Variants in DNASE1 observed in about 807,000 individuals in gnomAD.
DNASE1 encodes deoxyribonuclease 1.
Under a neutral mutation model 33.9 loss-of-function variants are expected in DNASE1, and 40 were observed. The ratio of observed to expected loss-of-function variants is 1.18; its 90% CI spans 0.92 to 1.54. The LOEUF (loss-of-function observed/expected upper bound fraction) is 1.54. DNASE1 is among the 40% of genes most tolerant of loss of function. The probability of loss-of-function intolerance (pLI) is 0.00; values close to 1 mark genes in which losing one functional copy is unlikely to be tolerated. For synonymous variants in DNASE1, 216 were observed against 160.0 expected (o/e 1.35, Z -2.64); for missense variants, 518 against 372.6 (o/e 1.39, Z -3.21).
chr16:3,627,936 G>GT (rs2041568364), intron 1 of DNASE1, among the ~76,000 whole-genome samples: 1 of 42,742 alleles, frequency 2.3e-5, no homozygotes, highest in Admixed American at 3.4e-4. Flanking sequence ...TTCTATTTCT[G>GT]CAAAAAAAAA....
intron 1 of DNASE1, among the ~76,000 whole-genome samples, chr16:3,646,903 G>A (rs1376522106): frequency 1.3e-5 from 2 of 152,080 alleles, no homozygotes; most frequent in Non-Finnish European, 2.9e-5. Context: ...CACCTGGATG[G>A]TGGTGGCACT....
At chr16:3,661,159 T>A (rs1020181908), downstream of DNASE1, 1 of 151,980 alleles carries the variant, frequency 6.6e-6, no homozygotes, top group African/African-American at 2.4e-5. Flanking sequence ...GAATAATTCT[T>A]TAAAAATGGT....
upstream of DNASE1, chr16:3,642,818 G>A (rs769293026): frequency 2.6e-5 from 4 of 152,352 alleles, no homozygotes; most frequent in Non-Finnish European, 4.4e-5. Flanking sequence ...CCTTGTGGCC[G>A]TGCTAGTTGG....
intron 1 of DNASE1, among the ~76,000 whole-genome samples, chr16:3,645,656 C>G (rs1179081696): frequency 1.3e-5 from 2 of 152,236 alleles, no homozygotes; most frequent in African/African-American, 2.4e-5. Context: ...AAGGCGAGTG[C>G]TGACATTCCA....
chr16:3,657,706 C>CCAA lies in DNASE1; in HGVS notation c.705-11_705-9dup, dbSNP rs747134761. ...TGAAAGGGGAACCTACTTTCTCTTC[C>CCAA]CAACACCCATCAGGATCGTGGTTGC... On this transcript the variant is annotated splice_polypyrimidine_tract_variant and intron_variant, in intron 7 of 8. Transcript: ENST00000246949. 8.1e-6 allele frequency: 13 copies of CCAA among 1,613,774 alleles called. No individual in the cohort carries two copies. Among genetic ancestry groups the CCAA allele is most frequent in the Non-Finnish European group, 1.0e-5 (12 of 1,179,954 alleles).
exon 10 of DNASE1, chr16:3,663,330 T>G: frequency 6.5e-7 from 1 of 1,539,244 alleles, no homozygotes; most frequent in Admixed American, 1.9e-5. Context: ...CCAGGTCAAC[T>G]GACGAAAACC....
intron 1 of DNASE1, among the ~76,000 whole-genome samples, chr16:3,636,515 T>C (rs1195982016): frequency 6.6e-6 from 1 of 152,198 alleles, no homozygotes; most frequent in African/African-American, 2.4e-5. Flanking sequence ...CCGGACTTGA[T>C]GTACTTGTTA....
intron 1 of DNASE1, among the ~76,000 whole-genome samples, chr16:3,628,987 C>A (rs1596577619): frequency 2.0e-5 from 3 of 149,432 alleles, no homozygotes; most frequent in Non-Finnish European, 4.5e-5. Context: ...GCCTGGCCAA[C>A]ATAGTGAAAC....
intron 1 of DNASE1, among the ~76,000 whole-genome samples, chr16:3,613,168 T>G (rs929371018): frequency 2.6e-5 from 4 of 152,122 alleles, no homozygotes; most frequent in African/African-American, 9.7e-5. Context: ...GGCAATCACT[T>G]ATCGGCTTTC....
At chr16:3,658,114 CT>C (rs773455014), downstream of DNASE1, 8 of 1,613,482 alleles carry the variant, frequency 5.0e-6, no homozygotes, top group African/African-American at 1.1e-4. Flanking sequence ...GTCAGTCCTT[CT>C]GGCCCCCTGG....
upstream of DNASE1, chr16:3,641,141 C>T (rs545183271): frequency 5.1e-6 from 2 of 394,776 alleles, no homozygotes; most frequent in Non-Finnish European, 8.9e-6. Flanking sequence ...CAGCATGGCC[C>T]TGCTGCAGCT....
intron 1 of DNASE1, among the ~76,000 whole-genome samples, chr16:3,630,165 T>C (rs1305323755): frequency 6.6e-6 from 1 of 151,568 alleles, no homozygotes; most frequent in Non-Finnish European, 1.5e-5. Flanking sequence ...TTGTTGTTGT[T>C]TTGTTTTTTG....
chr16:3,663,056 C>A, downstream of DNASE1: 1 of 978,540 alleles, frequency 1.0e-6, no homozygotes, highest in Non-Finnish European at 1.5e-6. Flanking sequence ...CCAGCTCCCA[C>A]CTCCTCTCCC....
exon 10 of DNASE1, chr16:3,663,177 TACAC>T (rs924735500): frequency 7.6e-6 from 5 of 658,016 alleles, no homozygotes; most frequent in African/African-American, 7.3e-5. Flanking sequence ...TTTAAAAAAA[TACAC>T]AGCCTCTCAA....
upstream of DNASE1, among the ~76,000 whole-genome samples, chr16:3,638,438 C>T (rs760852480): frequency 2.2e-4 from 33 of 152,090 alleles, no homozygotes; most frequent in Non-Finnish European, 4.7e-4. Flanking sequence ...CCAGGGTTCA[C>T]GCCATTCTCC....
intron 1 of DNASE1, among the ~76,000 whole-genome samples, chr16:3,616,508 C>G (rs2041108560): frequency 6.6e-6 from 1 of 152,138 alleles, no homozygotes; most frequent in Admixed American, 6.6e-5. Flanking sequence ...GTAATCCCAG[C>G]TACTTGGAAG....
At chr16:3,664,202 A>G in exon 10 of DNASE1, 2 of 1,433,660 alleles carry the variant, frequency 1.4e-6, no homozygotes, top group South Asian at 1.5e-5. Flanking sequence ...TTCACCCAGC[A>G]CAGAGCTGAG....
intron 1 of DNASE1, among the ~76,000 whole-genome samples, chr16:3,617,625 A>G (rs761779836): frequency 3.9e-5 from 6 of 152,062 alleles, no homozygotes; most frequent in Non-Finnish European, 8.8e-5. Context: ...CCGCAAGGTG[A>G]TGGGATTAGT....
chr16:3,613,253 C>T (rs1351743107), intron 1 of DNASE1, among the ~76,000 whole-genome samples: 1 of 152,100 alleles, frequency 6.6e-6, no homozygotes, highest in Non-Finnish European at 1.5e-5. Context: ...TTCTGCTGGG[C>T]TTTTATTAAG....
Sources: allele counts gnomAD v4.1 joint callset (sites outside exome capture counted in the v4.1 genomes callset), GRCh38; gene constraint gnomAD v4.1.1; transcripts MANE v1.5; gene names NCBI Gene and HGNC (gene_info 2026-07-23, HGNC 2026-07-21).